GALNT13: variants seen among roughly 807,000 people sequenced by gnomAD.
The protein encoded by GALNT13 is UDP-GalNAc:polypeptide N-acetylgalactosaminyltransferase 13.
A neutral mutation model predicts 64.2 loss-of-function variants in GALNT13; 28 were observed. That is an observed-to-expected ratio of 0.44 (90% CI 0.32 to 0.60). The LOEUF (loss-of-function observed/expected upper bound fraction) is 0.60, where lower values mean the gene tolerates loss of function less well. Among genes scored for constraint, GALNT13 ranks in the 20% least tolerant of loss-of-function variants. The probability of loss-of-function intolerance (pLI) is 0.05; values close to 1 mark genes in which losing one functional copy is unlikely to be tolerated. For missense variants in GALNT13, 577 were observed against 669.8 expected (o/e 0.86, Z 1.53); for synonymous variants, 214 against 224.6 (o/e 0.95, Z 0.42).
the GALNT13 span, among the ~76,000 whole-genome samples, chr2:153,158,511 A>G: frequency 6.6e-6 from 1 of 152,106 alleles, no homozygotes; most frequent in African/African-American, 2.4e-5. Flanking sequence ...CTATTCCTGG[A>G]CTCTTAACTC....
chr2:154,455,143 CAG>C (rs1378104872), downstream of GALNT13, among the ~76,000 whole-genome samples: 3 of 152,072 alleles, frequency 2.0e-5, no homozygotes, highest in African/African-American at 7.2e-5. Context: ...TACACTAAAA[CAG>C]AACTGTTTTT....
At chr2:153,193,469 A>G in the GALNT13 span, among the ~76,000 whole-genome samples, 49 of 132,378 alleles carry the variant, frequency 3.7e-4, no homozygotes, top group African/African-American at 1.0e-3. Context: ...GGGGGGAGGG[A>G]TAGCATTGGG....
At chr2:154,099,628 C>T (rs186008463) in intron 3 of GALNT13, among the ~76,000 whole-genome samples, 414 of 152,156 alleles carry the variant, frequency 2.7e-3, no homozygotes, top group South Asian at 5.2e-3. Flanking sequence ...TGTTCTTCTG[C>T]ATATGGCTAG....
the GALNT13 span, among the ~76,000 whole-genome samples, chr2:153,119,817 C>T: frequency 6.6e-6 from 1 of 152,192 alleles, no homozygotes; most frequent in Non-Finnish European, 1.5e-5. Flanking sequence ...TCCAGAGTTT[C>T]TCTGAGAGTT....
At chr2:153,714,657 TACTC>T in the GALNT13 span, among the ~76,000 whole-genome samples, 2 of 152,178 alleles carry the variant, frequency 1.3e-5, no homozygotes, top group Non-Finnish European at 2.9e-5. Flanking sequence ...AAACACAAAG[TACTC>T]AATGTACCTA....
chr2:153,376,183 G>T, the GALNT13 span, among the ~76,000 whole-genome samples: 17,992 of 152,116 alleles, frequency 0.12, 1,229 homozygotes, highest in Middle Eastern at 0.17. Flanking sequence ...AACAAATTTG[G>T]ATCTTGATAA....
At chr2:153,492,055 C>T in the GALNT13 span, among the ~76,000 whole-genome samples, 1 of 152,054 alleles carries the variant, frequency 6.6e-6, no homozygotes, top group Non-Finnish European at 1.5e-5. Context: ...ACTAAAATGG[C>T]AAACTACACA....
At chr2:153,511,610 C>T in the GALNT13 span, among the ~76,000 whole-genome samples, 1 of 152,216 alleles carries the variant, frequency 6.6e-6, no homozygotes, top group East Asian at 1.9e-4. Context: ...TGAGTTTATG[C>T]TAGTTAGCGT....
the GALNT13 span, among the ~76,000 whole-genome samples, chr2:153,820,841 A>C: frequency 6.6e-6 from 1 of 152,140 alleles, no homozygotes; most frequent in Non-Finnish European, 1.5e-5. Flanking sequence ...AATATGACAA[A>C]AGGATCAAAA....
In GALNT13 at chr2:153,997,887, T is replaced by C. The variant is rs190675010; in HGVS notation, c.142+53248T>C. 1.8e-3 allele frequency among the ~76,000 whole-genome samples: 269 copies of C among 152,208 alleles called. 2 individuals are homozygous for C. The highest frequency in any genetic ancestry group is 6.8e-3 in the Middle Eastern group (2 of 294). On this transcript the variant is annotated intron_variant, in intron 3 of 12. Transcript: ENST00000392825. ...CAACTCCCACTTATTTGTGAGAACATGTGGTGTTTGGTTTTCTTTTCTTGT... is the reference window on the plus strand; with the variant it reads ...CAACTCCCACTTATTTGTGAGAACACGTGGTGTTTGGTTTTCTTTTCTTGT...
chr2:154,043,607 A>G (rs187025597), intron 3 of GALNT13, among the ~76,000 whole-genome samples: 441 of 152,018 alleles, frequency 2.9e-3, no homozygotes, highest in Non-Finnish European at 5.2e-3. Context: ...ACAAGTTTAC[A>G]GTATAATCAG....
the GALNT13 span, among the ~76,000 whole-genome samples, chr2:153,145,160 T>C: frequency 1.3e-5 from 2 of 151,930 alleles, no homozygotes; most frequent in Non-Finnish European, 2.9e-5. Flanking sequence ...TCATCTATTA[T>C]GGTGCTGAGC....
chr2:153,717,053 A>C, the GALNT13 span, among the ~76,000 whole-genome samples: 1 of 152,254 alleles, frequency 6.6e-6, no homozygotes, highest in Middle Eastern at 3.4e-3. Context: ...GGATTAAGGC[A>C]TAAGAGGTGT....
the GALNT13 span, among the ~76,000 whole-genome samples, chr2:153,866,279 T>C: frequency 7.5e-6 from 1 of 132,918 alleles, no homozygotes; most frequent in Non-Finnish European, 1.6e-5. Context: ...ACCTGCACAA[T>C]GTGCACATGC....
At chr2:153,799,357 TC>T in the GALNT13 span, among the ~76,000 whole-genome samples, 1 of 152,110 alleles carries the variant, frequency 6.6e-6, no homozygotes, top group Non-Finnish European at 1.5e-5. Context: ...CTGTGTACCT[TC>T]CCCAGCCTCC....
intron 8 of GALNT13, among the ~76,000 whole-genome samples, chr2:154,289,102 A>G (rs1426692717): frequency 6.6e-6 from 1 of 152,234 alleles, no homozygotes; most frequent in Admixed American, 6.5e-5. Flanking sequence ...CCAAACCTCA[A>G]TTCTGGACTT....
chr2:154,244,249 A>G (rs953024173), intron 6 of GALNT13, among the ~76,000 whole-genome samples: 27 of 152,174 alleles, frequency 1.8e-4, no homozygotes, highest in African/African-American at 5.8e-4. Flanking sequence ...ACCTGATTAT[A>G]AAGTTTAAAA....
At chr2:153,207,870 T>G in the GALNT13 span, among the ~76,000 whole-genome samples, 1 of 152,180 alleles carries the variant, frequency 6.6e-6, no homozygotes, top group Non-Finnish European at 1.5e-5. Context: ...AAGAGTTGTG[T>G]ACAACTTGCA....
intron 12 of GALNT13, among the ~76,000 whole-genome samples, chr2:154,442,720 G>C (rs542322043): frequency 1.5e-4 from 23 of 152,054 alleles, no homozygotes; most frequent in African/African-American, 4.8e-4. Flanking sequence ...ATTTCCCTAT[G>C]ATATGTGCAC....
Sources: gnomAD v4.1 joint callset for allele counts (sites outside exome capture counted in the v4.1 genomes callset) on GRCh38, gnomAD v4.1.1 for gene constraint, MANE v1.5 for transcripts, NCBI Gene and HGNC (gene_info 2026-07-23, HGNC 2026-07-21) for gene names.